Variants in ARHGAP24 observed in about 807,000 individuals in gnomAD.
ARHGAP24 encodes the protein Rho GTPase activating protein 24.
A neutral mutation model predicts 76.4 loss-of-function variants in ARHGAP24; 50 were observed. The ratio of observed to expected loss-of-function variants is 0.65; its 90% confidence interval spans 0.52 to 0.83. The LOEUF (loss-of-function observed/expected upper bound fraction) is 0.83. ARHGAP24 is among the 40% of genes least tolerant of loss of function. The pLI, the probability that ARHGAP24 is intolerant of heterozygous loss-of-function variation, is 0.00. For synonymous variants in ARHGAP24, 345 were observed against 323.3 expected, an observed-to-expected ratio of 1.07 and a Z score of -0.72; for missense variants, 930 against 914.2, an observed-to-expected ratio of 1.02 and a Z score of -0.22.
intron 3 of ARHGAP24, among the ~76,000 whole-genome samples, chr4:85,888,908 G>A (rs1733726964): frequency 6.6e-6 from 1 of 152,122 alleles, no homozygotes; most frequent in South Asian, 2.1e-4. Context: ...AGTTTGCTAA[G>A]GATAATGGCC....
chr4:85,481,811 G>C (rs1444543873), intron 1 of ARHGAP24, among the ~76,000 whole-genome samples: 1 of 152,194 alleles, frequency 6.6e-6, no homozygotes, highest in Non-Finnish European at 1.5e-5. Context: ...AAAAAAGGAT[G>C]ATTTCTTTGG....
intron 2 of ARHGAP24, among the ~76,000 whole-genome samples, chr4:85,588,831 G>A (rs1215811348): frequency 6.6e-6 from 1 of 152,174 alleles, no homozygotes; most frequent in African/African-American, 2.4e-5. Flanking sequence ...CATAGGAAGA[G>A]TATGAAGACA....
chr4:85,787,353 AT>A (rs1727893284), intron 3 of ARHGAP24, among the ~76,000 whole-genome samples: 2 of 152,092 alleles, frequency 1.3e-5, no homozygotes, highest in Non-Finnish European at 2.9e-5. Context: ...ATTCTTCACC[AT>A]TTGTTGGAGT....
At chr4:85,603,937 C>T (rs1720112354) in intron 2 of ARHGAP24, among the ~76,000 whole-genome samples, 1 of 151,942 alleles carries the variant, frequency 6.6e-6, no homozygotes, top group Non-Finnish European at 1.5e-5. Flanking sequence ...TAAGTTGCTG[C>T]CTGGTAATGA....
intron 2 of ARHGAP24, among the ~76,000 whole-genome samples, chr4:85,600,179 T>A (rs910401451): frequency 6.6e-6 from 1 of 151,874 alleles, no homozygotes; most frequent in African/African-American, 2.4e-5. Flanking sequence ...AAGAACTTAG[T>A]GGGTTATGGG....
At chr4:85,989,196 T>C (rs1321496890) in intron 8 of ARHGAP24, among the ~76,000 whole-genome samples, 1 of 151,564 alleles carries the variant, frequency 6.6e-6, no homozygotes, top group East Asian at 1.9e-4. Context: ...CTATATCAGG[T>C]TTAACAGAAG....
intron 8 of ARHGAP24, chr4:85,992,121 A>G (rs1740368136): frequency 2.5e-6 from 1 of 397,750 alleles, no homozygotes; most frequent in Non-Finnish European, 4.4e-6. Context: ...GATTATAACC[A>G]GTCTGACCTC....
At chr4:85,577,688 A>T (rs1463702839) in intron 2 of ARHGAP24, among the ~76,000 whole-genome samples, 1 of 152,208 alleles carries the variant, frequency 6.6e-6, no homozygotes, top group Non-Finnish European at 1.5e-5. Context: ...TATACAGTGT[A>T]ATAAGTATTT....
At chr4:85,652,777 C>G (rs1339780001) in intron 2 of ARHGAP24, among the ~76,000 whole-genome samples, 2 of 152,124 alleles carry the variant, frequency 1.3e-5, no homozygotes, top group African/African-American at 4.8e-5. Flanking sequence ...TGGTGTGCTT[C>G]CATGGCAGAG....
At chr4:85,534,478 A>G (rs1231733862) in intron 1 of ARHGAP24, among the ~76,000 whole-genome samples, 2 of 152,170 alleles carry the variant, frequency 1.3e-5, no homozygotes, top group African/African-American at 2.4e-5. Context: ...GCAATAACCA[A>G]TGGAGCCTGT....
At chr4:85,846,461 G>A (rs369756813) in intron 3 of ARHGAP24, among the ~76,000 whole-genome samples, 7 of 152,278 alleles carry the variant, frequency 4.6e-5, no homozygotes, top group African/African-American at 1.7e-4. Flanking sequence ...TGCTATTGCA[G>A]TAAAATAAGT....
chr4:85,891,132 T>A (rs10009525), intron 3 of ARHGAP24, among the ~76,000 whole-genome samples: 2 of 152,020 alleles, frequency 1.3e-5, no homozygotes, highest in African/African-American at 2.4e-5. Flanking sequence ...AGTGCTAATA[T>A]GACTAAATGA....
intron 1 of ARHGAP24, among the ~76,000 whole-genome samples, chr4:85,506,769 C>T (rs1308083886): frequency 1.3e-5 from 2 of 152,240 alleles, no homozygotes; most frequent in South Asian, 4.1e-4. Context: ...CCAACCAGCC[C>T]CAGTGAGATG....
intron 3 of ARHGAP24, among the ~76,000 whole-genome samples, chr4:85,756,658 T>A (rs1726507297): frequency 6.6e-6 from 1 of 152,208 alleles, no homozygotes; most frequent in African/African-American, 2.4e-5. Context: ...GTCTTGATAC[T>A]GTTCAGAGAA....
intron 3 of ARHGAP24, among the ~76,000 whole-genome samples, chr4:85,905,189 T>C (rs11097082): frequency 0.32 from 48,297 of 151,976 alleles, 7,998 homozygotes; most frequent in East Asian, 0.63. Flanking sequence ...GTATTGGAAA[T>C]GTTATTTTTT....
At chr4:85,790,957 A>C (rs1401332606) in intron 3 of ARHGAP24, among the ~76,000 whole-genome samples, 1 of 152,214 alleles carries the variant, frequency 6.6e-6, no homozygotes, top group Non-Finnish European at 1.5e-5. Flanking sequence ...GAAAAAATTA[A>C]AACCTTGTCT....
intron 2 of ARHGAP24, among the ~76,000 whole-genome samples, chr4:85,719,926 AGGTAGATGGGAG>A: frequency 1.3e-5 from 2 of 152,134 alleles, no homozygotes; most frequent in African/African-American, 4.8e-5. Flanking sequence ...TGTTGTCCTA[AGGTAGATGGGAG>A]CATGCTGCCA....
chr4:85,624,704 G>T (rs1366510622), intron 2 of ARHGAP24, among the ~76,000 whole-genome samples: 3 of 150,910 alleles, frequency 2.0e-5, no homozygotes, highest in Non-Finnish European at 4.5e-5. Context: ...CAGTGGTCCT[G>T]GACTTTTTTT....
At chr4:85,863,136 G>C (rs887491958) in intron 3 of ARHGAP24, among the ~76,000 whole-genome samples, 1 of 151,966 alleles carries the variant, frequency 6.6e-6, no homozygotes, top group Admixed American at 6.6e-5. Context: ...AGCCACATTG[G>C]CCTTCTGGTG....
Sources: allele counts gnomAD v4.1 joint callset (sites outside exome capture counted in the v4.1 genomes callset), GRCh38; gene constraint gnomAD v4.1.1; transcripts MANE v1.5; gene names NCBI Gene and HGNC (gene_info 2026-07-23, HGNC 2026-07-21).